KCNA2: variants seen among roughly 807,000 people sequenced by gnomAD.
KCNA2 encodes the protein potassium voltage-gated channel subfamily A member 2.
A neutral mutation model predicts 33.4 loss-of-function variants in KCNA2; 11 were observed. That is an observed-to-expected ratio of 0.33 (90% CI 0.21 to 0.55). The LOEUF is 0.55. Ranked by LOEUF, KCNA2 falls within the 20% of genes least tolerant of loss-of-function variation. The probability of loss-of-function intolerance (pLI) is 0.93; values close to 1 mark genes in which losing one functional copy is unlikely to be tolerated. For missense variants in KCNA2, 291 were observed against 621.6 expected (o/e 0.47, Z 5.66); for synonymous variants, 222 against 231.3 (o/e 0.96, Z 0.37).
chr1:110,612,905 G>A (rs1649922211), intron 1 of KCNA2, among the ~76,000 whole-genome samples: 1 of 152,196 alleles, frequency 6.6e-6, no homozygotes, highest in Admixed American at 6.5e-5. Context: ...GACAGGCCTG[G>A]GGTGGAGCCC....
chr1:110,620,594 T>C (rs1650229805), intron 1 of KCNA2, among the ~76,000 whole-genome samples: 1 of 152,030 alleles, frequency 6.6e-6, no homozygotes, highest in Admixed American at 6.5e-5. Context: ...AGGCAGGGCA[T>C]GAATTGATGG....
chr1:110,610,980 C>T (rs550113852), upstream of KCNA2, among the ~76,000 whole-genome samples: 2 of 151,510 alleles, frequency 1.3e-5, no homozygotes, highest in South Asian at 4.2e-4. Context: ...ACACTAGCCC[C>T]GCCCACCCCC....
At position 110,598,855 on chromosome 1, in the gene KCNA2, T is replaced by G; in HGVS notation, c.*4428A>C. The G allele has an allele frequency of 1.0e-6, 1 of 985,386 alleles. No homozygotes were observed. The highest frequency in any genetic ancestry group is 1.2e-6 in the Non-Finnish European group (1 of 829,928). The allele number at this position is 985,386 out of a possible 1,614,324, so 61.0% of individuals were successfully genotyped here. ...ATTAAATGTTGGCTCCTAAAAAGTT[T>G]ACTCTGAAATTTGACCCACTCAGCC... On this transcript the variant is annotated 3_prime_UTR_variant, in exon 3 of 3. Coordinates refer to ENST00000316361, the MANE Select transcript of KCNA2 (RefSeq NM_004974.4).
Position 110,596,913 on chromosome 1 carries a change from T to C in KCNA2, c.*6370A>G. On this transcript the variant is annotated 3_prime_UTR_variant, in exon 3 of 3. Coordinates refer to ENST00000316361, the MANE Select transcript of KCNA2 (RefSeq NM_004974.4). ...CTTCCCTGATTGTCCAGTCTGAACA[T>C]TTAAGCTCACAGATGTTAGGAAAGG... The C allele has an allele frequency of 1.0e-6, 1 of 985,480 alleles. No homozygotes were observed. Among genetic ancestry groups the C allele is most frequent in the Non-Finnish European group, 1.2e-6 (1 of 829,962 alleles). The allele number at this position is 985,480 out of a possible 1,614,324, so 61.0% of individuals were successfully genotyped here.
intron 1 of KCNA2, among the ~76,000 whole-genome samples, chr1:110,622,088 C>T (rs944701283): frequency 1.3e-5 from 2 of 151,930 alleles, no homozygotes; most frequent in African/African-American, 2.4e-5. Context: ...TGAACATAGA[C>T]GTACAAACCG....
chr1:110,595,562 G>A lies in KCNA2; in HGVS notation c.*7721C>T. ...TCTAGGTAGAAAGCAACAGTCAAAT[G>A]CAAGAGGTGAGGCTGAGAGAAACTG... On this transcript the variant is annotated 3_prime_UTR_variant, in exon 3 of 3. Transcript: ENST00000316361. The A allele has an allele frequency of 1.0e-6, 1 of 985,512 alleles. No homozygotes were observed. Among genetic ancestry groups the A allele is most frequent in the Non-Finnish European group, 1.2e-6 (1 of 829,998 alleles). 61.0% of individuals were successfully genotyped at this position (985,512 alleles called of 1,614,324 possible).
rs533698075 is a variant in KCNA2, at chr1:110,601,087, T to C, written c.*2196A>G. 11 of 985,468 alleles carry C rather than the reference T, an allele frequency of 1.1e-5. No homozygotes were observed. In the South Asian group the frequency reaches 3.8e-4, roughly 34 times the overall value. The allele number at this position is 985,468 out of a possible 1,614,324, so 61.0% of individuals were successfully genotyped here. A position where few individuals can be genotyped will look rare whatever the true frequency, so the allele number is the denominator to read the frequency against. On this transcript the variant is annotated 3_prime_UTR_variant, in exon 3 of 3. Transcript: ENST00000316361. ...CAACCTACTGTCTACCTTTAGGCTG[T>C]GCAGTGCTCATTTGCACTCTACTTC...
intron 1 of KCNA2, among the ~76,000 whole-genome samples, chr1:110,626,807 A>C (rs1198868413): frequency 6.6e-6 from 1 of 152,156 alleles, no homozygotes; most frequent in Non-Finnish European, 1.5e-5. Flanking sequence ...TGGTTCCGTG[A>C]CAACACCATG....
chr1:110,598,780 T>G lies in KCNA2; in HGVS notation c.*4503A>C. 1.0e-6 allele frequency: 1 copy of G among 985,266 alleles called. No homozygotes were observed. Among genetic ancestry groups the G allele is most frequent in the Non-Finnish European group, 1.2e-6 (1 of 829,890 alleles). 61.0% of individuals were successfully genotyped at this position (985,266 alleles called of 1,614,324 possible). On this transcript the variant is annotated 3_prime_UTR_variant, in exon 3 of 3. Coordinates refer to ENST00000316361, the MANE Select transcript of KCNA2 (RefSeq NM_004974.4). ...AGCAGAGAAGAAGGAAGAGAGCATG[T>G]CAAATATTACTGAAGTTTCAGAAAG...
Position 110,597,771 on chromosome 1 carries a change from G to C in KCNA2, c.*5512C>G, listed in dbSNP as rs1391014575. 2.0e-6 allele frequency: 2 copies of C among 984,994 alleles called. No homozygotes were observed. Among genetic ancestry groups the C allele is most frequent in the Non-Finnish European group, 2.4e-6 (2 of 829,694 alleles). The allele number at this position is 984,994 out of a possible 1,614,324, so 61.0% of individuals were successfully genotyped here. A position where few individuals can be genotyped will look rare whatever the true frequency, so the allele number is the denominator to read the frequency against. ...AGAGCAAGATTTTGAAAGAGCTATTGCTAAAGAAAACAGTCACTATTTATT... is the reference window on the plus strand; with the variant it reads ...AGAGCAAGATTTTGAAAGAGCTATTCCTAAAGAAAACAGTCACTATTTATT... On this transcript the variant is annotated 3_prime_UTR_variant, in exon 3 of 3. Transcript: ENST00000316361.
At chr1:110,615,236 A>G (rs1650011242) in intron 1 of KCNA2, among the ~76,000 whole-genome samples, 1 of 152,156 alleles carries the variant, frequency 6.6e-6, no homozygotes, top group African/African-American at 2.4e-5. Context: ...CCACTTACCT[A>G]GGGCCTTACC....
In KCNA2 at chr1:110,596,905, T is replaced by A; in HGVS notation, c.*6378A>T. On this transcript the variant is annotated 3_prime_UTR_variant, in exon 3 of 3. Transcript: ENST00000316361. Reference sequence around the variant, plus strand: ...TTGCCAGCCTTCCCTGATTGTCCAGTCTGAACATTTAAGCTCACAGATGTT... The same window carrying A: ...TTGCCAGCCTTCCCTGATTGTCCAGACTGAACATTTAAGCTCACAGATGTT... 1.0e-6 allele frequency: 1 copy of A among 985,442 alleles called. No individual in the cohort carries two copies. Among genetic ancestry groups the A allele is most frequent in the Non-Finnish European group, 1.2e-6 (1 of 829,950 alleles). The allele number at this position is 985,442 out of a possible 1,614,324, so 61.0% of individuals were successfully genotyped here. A position where few individuals can be genotyped will look rare whatever the true frequency, so the allele number is the denominator to read the frequency against.
Position 110,600,496 on chromosome 1 carries a change from A to G in KCNA2, c.*2787T>C, listed in dbSNP as rs1649293170. 2 of 984,898 alleles carry G rather than the reference A, an allele frequency of 2.0e-6. No homozygotes were observed. Among genetic ancestry groups the G allele is most frequent in the Non-Finnish European group, 2.4e-6 (2 of 829,738 alleles). The allele number at this position is 984,898 out of a possible 1,614,324, so 61.0% of individuals were successfully genotyped here. ...GCATTTTATATACAATTATAACCAT[A>G]TATCTTCTGTGTTTGCTTTTATGTT... On this transcript the variant is annotated 3_prime_UTR_variant, in exon 3 of 3. Transcript: ENST00000316361.
chr1:110,596,729 A>G lies in KCNA2; in HGVS notation c.*6554T>C. 1.2e-5 allele frequency: 12 copies of G among 985,360 alleles called. No individual in the cohort carries two copies. The highest frequency in any genetic ancestry group is 1.3e-5 in the Non-Finnish European group (11 of 829,828). The allele number at this position is 985,360 out of a possible 1,614,324, so 61.0% of individuals were successfully genotyped here. The stretch of plus-strand genomic sequence containing the variant: ...CTCAATAACAAAGGTTGAACCAGAC[A>G]TGCTTTCCCATTCCCACTCAAATAA... On this transcript the variant is annotated 3_prime_UTR_variant, in exon 3 of 3. Transcript: ENST00000316361.
At chr1:110,608,962 C>T (rs539604028), upstream of KCNA2, among the ~76,000 whole-genome samples, 1 of 152,292 alleles carries the variant, frequency 6.6e-6, no homozygotes, top group South Asian at 2.1e-4. Flanking sequence ...CAGCTTAGCT[C>T]TGGGGTGTTT....
At chr1:110,615,361 C>T (rs1347142646) in intron 1 of KCNA2, among the ~76,000 whole-genome samples, 1 of 152,198 alleles carries the variant, frequency 6.6e-6, no homozygotes, top group Non-Finnish European at 1.5e-5. Flanking sequence ...GTGGGGCTTG[C>T]CCTGGGAACT....
chr1:110,602,167 G>C lies in KCNA2; in HGVS notation c.*1116C>G. 1 of 1,550,444 alleles carries C rather than the reference G, an allele frequency of 6.4e-7. No homozygotes were observed. Among genetic ancestry groups the C allele is most frequent in the Non-Finnish European group, 8.7e-7 (1 of 1,146,984 alleles). On this transcript the variant is annotated 3_prime_UTR_variant, in exon 3 of 3. Coordinates refer to ENST00000316361, the MANE Select transcript of KCNA2 (RefSeq NM_004974.4). ...CTCTTCTGGCTTTGCAGAGGTCTGC[G>C]TTCCTGTTTAGAAGAACAGGGATAG...
At chr1:110,630,978 C>G (rs764336754) in intron 1 of KCNA2, among the ~76,000 whole-genome samples, 1 of 152,334 alleles carries the variant, frequency 6.6e-6, no homozygotes, top group Non-Finnish European at 1.5e-5. Flanking sequence ...GACAACGCCC[C>G]GTGCAGGAGG....
At chr1:110,623,695 C>G (rs934328159) in intron 1 of KCNA2, among the ~76,000 whole-genome samples, 3 of 152,126 alleles carry the variant, frequency 2.0e-5, no homozygotes, top group African/African-American at 7.2e-5. Context: ...GCACCTGGCC[C>G]TCTCTGCTCT....
Sources: allele counts gnomAD v4.1 joint callset (sites outside exome capture counted in the v4.1 genomes callset), GRCh38; gene constraint gnomAD v4.1.1; transcripts MANE v1.5; gene names NCBI Gene and HGNC (gene_info 2026-07-23, HGNC 2026-07-21).